Variants in GABRA3 observed in about 807,000 individuals in gnomAD.
The protein encoded by GABRA3 is gamma-aminobutyric acid type A receptor subunit alpha3.
A neutral mutation model predicts 30.1 loss-of-function variants in GABRA3; 10 were observed. That is an observed-to-expected ratio of 0.33 (90% CI 0.20 to 0.56). The LOEUF is 0.56. Ranked by LOEUF, GABRA3 falls within the 20% of genes least tolerant of loss-of-function variation. The pLI is 0.89. For synonymous variants in GABRA3, 151 were observed against 146.8 expected (o/e 1.03, Z -0.21); for missense variants, 233 against 392.0 (o/e 0.59, Z 3.42).
chrX:152,337,549 T>C (rs1056278905), intron 3 of GABRA3, among the ~76,000 whole-genome samples: 2 of 111,849 alleles, frequency 1.8e-5, no homozygotes, highest in Non-Finnish European at 3.8e-5. Flanking sequence ...ATTATTTTGG[T>C]TGGGCATGGT....
chrX:152,206,191 G>A (rs1390823509), intron 7 of GABRA3, among the ~76,000 whole-genome samples: 1 of 112,821 alleles, frequency 8.9e-6, no homozygotes, highest in African/African-American at 3.2e-5. Context: ...AATCCCTGCA[G>A]CAGCAAGGGT....
intron 1 of GABRA3, among the ~76,000 whole-genome samples, chrX:152,381,839 T>C (rs1929153426): frequency 9.0e-6 from 1 of 111,447 alleles, no homozygotes; most frequent in Non-Finnish European, 1.9e-5. Context: ...CTGAGAATGA[T>C]GGTTTCCAGC....
At chrX:152,371,619 C>A (rs966240663) in intron 1 of GABRA3, among the ~76,000 whole-genome samples, 3 of 111,206 alleles carry the variant, frequency 2.7e-5, no homozygotes, top group Non-Finnish European at 3.8e-5. Flanking sequence ...CCTGACATTC[C>A]TCCAACCCTT....
At chrX:152,255,212 T>A (rs747471711) in intron 5 of GABRA3, among the ~76,000 whole-genome samples, 2 of 111,877 alleles carry the variant, frequency 1.8e-5, no homozygotes, top group East Asian at 5.6e-4. Flanking sequence ...GAAAATTCAC[T>A]TATTATCATC....
intron 4 of GABRA3, among the ~76,000 whole-genome samples, chrX:152,264,925 G>T (rs1326616583): frequency 1.8e-5 from 2 of 111,412 alleles, no homozygotes; most frequent in Non-Finnish European, 3.8e-5. Context: ...ATGATAAAGG[G>T]TTCAATTCAG....
intron 1 of GABRA3, among the ~76,000 whole-genome samples, chrX:152,431,258 T>C (rs747903941): frequency 6.3e-5 from 7 of 111,691 alleles, no homozygotes; most frequent in African/African-American, 2.3e-4. Flanking sequence ...ATGATATCTA[T>C]GAACAAAGCA....
intron 6 of GABRA3, among the ~76,000 whole-genome samples, chrX:152,208,435 G>T (rs1167897218): frequency 1.8e-5 from 2 of 111,843 alleles, no homozygotes; most frequent in African/African-American, 6.5e-5. Context: ...TCTTCTGTTG[G>T]ACAGTAGACA....
intron 2 of GABRA3, among the ~76,000 whole-genome samples, chrX:152,350,695 A>C (rs1461184871): frequency 8.9e-6 from 1 of 111,750 alleles, no homozygotes; most frequent in East Asian, 2.8e-4. Context: ...CTGAATCATG[A>C]ATGCTCTTAC....
At chrX:152,231,495 A>T (rs1320198561) in intron 5 of GABRA3, among the ~76,000 whole-genome samples, 2 of 111,292 alleles carry the variant, frequency 1.8e-5, no homozygotes, top group African/African-American at 6.5e-5. Context: ...GGCTAAAATA[A>T]AAAAGATCAA....
chrX:152,270,262 C>A (rs1239903297), intron 4 of GABRA3, among the ~76,000 whole-genome samples: 1 of 111,215 alleles, frequency 9.0e-6, no homozygotes, highest in Non-Finnish European at 1.9e-5. Context: ...CTTTCCCCCC[C>A]TTTACTTGAC....
chrX:152,356,568 A>G (rs1940552638), intron 2 of GABRA3, among the ~76,000 whole-genome samples: 2 of 111,763 alleles, frequency 1.8e-5, no homozygotes, highest in Admixed American at 1.9e-4. Context: ...TGATTAACCA[A>G]GTCTAATTTT....
intron 5 of GABRA3, among the ~76,000 whole-genome samples, chrX:152,227,817 C>G (rs1449405858): frequency 9.0e-6 from 1 of 110,630 alleles, no homozygotes; most frequent in Non-Finnish European, 1.9e-5. Flanking sequence ...TCTCAAGTCA[C>G]ACAACCCGGA....
chrX:152,192,099 G>A (rs1937332068), intron 8 of GABRA3, among the ~76,000 whole-genome samples: 1 of 112,246 alleles, frequency 8.9e-6, no homozygotes, highest in African/African-American at 3.2e-5. Context: ...TGCAACATAA[G>A]TGTTTCTGTG....
chrX:152,238,237 TC>T (rs1220085523), intron 5 of GABRA3, among the ~76,000 whole-genome samples: 1 of 99,893 alleles, frequency 1.0e-5, no homozygotes, highest in Non-Finnish European at 1.9e-5. Flanking sequence ...TTTTTCTGCA[TC>T]TATTGAGATA....
intron 1 of GABRA3, among the ~76,000 whole-genome samples, chrX:152,432,244 G>A (rs1930665963): frequency 9.0e-6 from 1 of 111,603 alleles, no homozygotes; most frequent in Admixed American, 9.5e-5. Flanking sequence ...AGATGGATCA[G>A]TATATGCATG....
At chrX:152,325,163 G>A (rs188978763) in intron 3 of GABRA3, among the ~76,000 whole-genome samples, 42 of 111,566 alleles carry the variant, frequency 3.8e-4, no homozygotes, top group Non-Finnish European at 7.2e-4. Context: ...TCCCAAGTGA[G>A]AAGTGATTAG....
At chrX:152,289,805 C>G (rs1438527063) in intron 3 of GABRA3, among the ~76,000 whole-genome samples, 1 of 110,880 alleles carries the variant, frequency 9.0e-6, no homozygotes, top group African/African-American at 3.3e-5. Flanking sequence ...CTCAGAATGA[C>G]GGTTTCCAGC....
intron 1 of GABRA3, among the ~76,000 whole-genome samples, chrX:152,422,706 C>G (rs1006123693): frequency 1.8e-5 from 2 of 110,756 alleles, no homozygotes; most frequent in Admixed American, 9.7e-5. Flanking sequence ...AATAAAATTC[C>G]CAACACAATA....
chrX:152,260,891 T>C (rs1279895404), intron 4 of GABRA3, among the ~76,000 whole-genome samples: 2 of 111,943 alleles, frequency 1.8e-5, no homozygotes, highest in African/African-American at 6.5e-5. Flanking sequence ...AAATGAACTG[T>C]ATTACTCCAT....
Sources: allele counts gnomAD v4.1 joint callset (sites outside exome capture counted in the v4.1 genomes callset), GRCh38; gene constraint gnomAD v4.1.1; transcripts MANE v1.5; gene names NCBI Gene and HGNC (gene_info 2026-07-23, HGNC 2026-07-21).